The following ADGRE1 variants were observed in gnomAD, a reference collection of about 807,000 sequenced individuals.
ADGRE1 encodes EGF-like module receptor 1.
ADGRE1 carries 82 observed loss-of-function variants against 102.7 expected under a neutral mutation model. That is an observed-to-expected ratio of 0.80 (90% CI 0.67 to 0.96). The LOEUF (loss-of-function observed/expected upper bound fraction) is 0.96. Among genes scored for constraint, ADGRE1 ranks in the 40% least tolerant of loss-of-function variants. The pLI, the probability that ADGRE1 is intolerant of heterozygous loss-of-function variation, is 0.00. For synonymous variants in ADGRE1, 398 were observed against 399.6 expected, an observed-to-expected ratio of 1.00 and a Z score of 0.05; for missense variants, 1,032 against 1,085.3, an observed-to-expected ratio of 0.95 and a Z score of 0.69.
chr19:6,905,940 C>T lies in ADGRE1; in HGVS notation c.950-493C>T, dbSNP rs188529628. On this transcript the variant is annotated intron_variant, in intron 8 of 20. Coordinates refer to ENST00000312053, the MANE Select transcript of ADGRE1 (RefSeq NM_001974.5). ...ACTTGGAATTTTGTGTTTATTATTT[C>T]CCTACTTAAAAAAATATTTTCCCAT... is the stretch of plus-strand genomic sequence containing the variant. 2.5e-3 allele frequency among the ~76,000 whole-genome samples: 381 copies of T among 152,172 alleles called. 1 individual carries two copies. The highest frequency in any genetic ancestry group is 8.9e-3 in the African/African-American group (371 of 41,532).
In ADGRE1 at chr19:6,934,442, GAC is replaced by G. The variant is rs1379449712; in HGVS notation, c.2290-541_2290-540del. Among the ~76,000 whole-genome samples, 17 of 119,592 alleles carry G rather than the reference GAC, an allele frequency of 1.4e-4. No individual in the cohort carries two copies. In the East Asian group the frequency reaches 2.6e-3, roughly 18 times the overall value. The allele number at this position is 119,592 out of a possible 152,430, so 78.5% of individuals were successfully genotyped here. On this transcript the variant is annotated intron_variant, in intron 17 of 20. Coordinates refer to ENST00000312053, the MANE Select transcript of ADGRE1 (RefSeq NM_001974.5). ...TTCTTTTTTTTTTTTTTTTTTTTGA[GAC>G]ACAGTCTTGCTCTGTTGCCAGGCTG...
chr19:6,922,061 G>A (rs954110807), intron 14 of ADGRE1, among the ~76,000 whole-genome samples, 178 bp downstream of exon 14: 2 of 152,122 alleles, frequency 1.3e-5, no homozygotes, highest in Admixed American at 6.6e-5. Flanking sequence ...AGTCTGGTTG[G>A]GAGGCCATGA....
chr19:6,892,443 T>TA (rs1326482339), intron 2 of ADGRE1, among the ~76,000 whole-genome samples: 2 of 152,156 alleles, frequency 1.3e-5, no homozygotes, highest in Non-Finnish European at 2.9e-5. Context: ...AGTGTTGCTT[T>TA]AAAAAAATCC....
At chr19:6,911,133 A>T (rs908650918) in intron 10 of ADGRE1, among the ~76,000 whole-genome samples, 4 of 152,012 alleles carry the variant, frequency 2.6e-5, no homozygotes, top group Non-Finnish European at 5.9e-5. Context: ...GTCAGTGGGG[A>T]GGGGAGTCCC....
At chr19:6,899,909 G>A (rs1350797943) in intron 5 of ADGRE1, among the ~76,000 whole-genome samples, 1 of 151,654 alleles carries the variant, frequency 6.6e-6, no homozygotes, top group East Asian at 1.9e-4. Context: ...TGGCTAACAA[G>A]GTGAAACCCC....
At chr19:6,897,571 A>T (rs1429021181) in intron 5 of ADGRE1, 24 bp downstream of exon 5, 2 of 1,503,126 alleles carry the variant, frequency 1.3e-6, no homozygotes, top group Non-Finnish European at 1.8e-6. Context: ...TCTCTTTATT[A>T]TTTACCTACT....
intron 12 of ADGRE1, among the ~76,000 whole-genome samples, chr19:6,918,273 C>T (rs990298412): frequency 2.6e-5 from 4 of 151,978 alleles, no homozygotes; most frequent in African/African-American, 9.7e-5. Context: ...AACCCCGTCT[C>T]CACTAAAAAT....
At chr19:6,928,876 T>G (rs1236151082) in intron 17 of ADGRE1, among the ~76,000 whole-genome samples, 3 of 151,836 alleles carry the variant, frequency 2.0e-5, no homozygotes, top group African/African-American at 7.3e-5. Flanking sequence ...GAGGCAGAGG[T>G]TGCGGTGAGC....
At chr19:6,895,516 T>C (rs1973517703) in intron 2 of ADGRE1, 2 of 152,192 alleles carry the variant, frequency 1.3e-5, no homozygotes, top group African/African-American at 4.8e-5. Flanking sequence ...ATGTTCATGG[T>C]GTGATCCATG....
chr19:6,934,996 C>T lies in ADGRE1; in HGVS notation c.2299C>T (p.Leu767Phe), dbSNP rs758522599. 7 of 1,584,956 alleles carry T rather than the reference C, an allele frequency of 4.4e-6. No homozygotes were observed. The Admixed American group carries it at 8.8e-5, about 20-fold the overall frequency. Residue 767 changes from leucine to phenylalanine, a missense_variant, in exon 18 of 21, where the codon CTT becomes TTT. Leu to Phe is a conservative substitution (Grantham distance 22, BLOSUM62 0). Transcript: ENST00000312053. ...PVCTVIVINS[L>F]LLTWTLWILR... ...CTGCTTGACTTTGCAGATCAACTCC[C>T]TTCTCCTGACCTGGACCTTGTGGAT...
chr19:6,897,635 A>C, intron 5 of ADGRE1, 88 bp downstream of exon 5: 1 of 1,364,712 alleles, frequency 7.3e-7, no homozygotes, highest in South Asian at 2.1e-5. Flanking sequence ...GGATTTTCTC[A>C]TGTAGGGATA....
Position 6,926,394 on chromosome 19 carries a change from T to G in ADGRE1, c.2015T>G (p.Leu672Arg). 1 of 1,614,214 alleles carries G rather than the reference T, an allele frequency of 6.2e-7. No individual in the cohort carries two copies. Among genetic ancestry groups the G allele is most frequent in the South Asian group, 1.1e-5 (1 of 91,082 alleles). ...KMGCAIIAGF[L>R]HYLFLACFFW... ...GGCTGCGCCATCATCGCGGGCTTCC[T>G]GCACTACCTTTTCCTTGCCTGCTTC... Residue 672 changes from leucine to arginine, a missense_variant, in exon 16 of 21, where the codon CTG becomes CGG. Coordinates refer to ENST00000312053, the MANE Select transcript of ADGRE1 (RefSeq NM_001974.5).
intron 12 of ADGRE1, among the ~76,000 whole-genome samples, chr19:6,919,336 T>G (rs1424280533): frequency 6.8e-6 from 1 of 147,188 alleles, no homozygotes; most frequent in African/African-American, 2.5e-5. Context: ...GGCCAGAGGT[T>G]TTTTTTTTTT....
intron 10 of ADGRE1, among the ~76,000 whole-genome samples, chr19:6,911,484 T>C (rs1274846889): frequency 6.6e-6 from 1 of 150,614 alleles, no homozygotes; most frequent in Non-Finnish European, 1.5e-5. Flanking sequence ...ATATTACTAT[T>C]ACTATTGTTG....
chr19:6,904,071 G>T lies in ADGRE1; in HGVS notation c.838G>T (p.Gly280Cys), dbSNP rs762944957. 1 of 1,614,152 alleles carries T rather than the reference G, an allele frequency of 6.2e-7. No individual in the cohort carries two copies. The highest frequency in any genetic ancestry group is 8.5e-7 in the Non-Finnish European group (1 of 1,180,034). The change falls in exon 8 of 21, where the codon GGT (glycine) becomes TGT (cysteine). Residue 280 changes from glycine to cysteine, a missense_variant. Gly to Cys is a radical substitution (Grantham distance 159, BLOSUM62 -3). Coordinates refer to ENST00000312053, the MANE Select transcript of ADGRE1 (RefSeq NM_001974.5). ...GTGCCGCCAAGATCCATCAACCTGTGGTCCTAATTCTATCTGCACCAATGC... is the reference window on the plus strand; with the variant it reads ...GTGCCGCCAAGATCCATCAACCTGTTGTCCTAATTCTATCTGCACCAATGC... ...DECRQDPSTC[G>C]PNSICTNALG...
chr19:6,919,356 A>G (rs1974531356), intron 12 of ADGRE1, among the ~76,000 whole-genome samples, 192 bp from the exon 13 acceptor site: 1 of 146,482 alleles, frequency 6.8e-6, no homozygotes, highest in Non-Finnish European at 1.5e-5. Context: ...TAATGGTTCT[A>G]GAAGCCCGCT....
At chr19:6,889,170 T>A (rs1325719699) in intron 1 of ADGRE1, among the ~76,000 whole-genome samples, 1 of 151,464 alleles carries the variant, frequency 6.6e-6, no homozygotes, top group Non-Finnish European at 1.5e-5. Context: ...GATGGTGTGA[T>A]AATGACGATG....
chr19:6,892,887 A>G (rs1973430083), intron 2 of ADGRE1, among the ~76,000 whole-genome samples: 1 of 152,200 alleles, frequency 6.6e-6, no homozygotes. Context: ...CCTGACTCAT[A>G]GGTAGTTGCC....
At position 6,906,401 on chromosome 19, in the gene ADGRE1, G is replaced by A. The variant is rs756853323; in HGVS notation, c.950-32G>A. 3.2e-6 allele frequency: 5 copies of A among 1,578,598 alleles called. No homozygotes were observed. The South Asian group carries it at 5.7e-5, about 18-fold the overall frequency. On this transcript the variant is annotated intron_variant, in intron 8 of 20. Transcript: ENST00000312053. The stretch of plus-strand genomic sequence containing the variant: ...TTCATCTTATTTTGCTGAGGTTGAA[G>A]TTTGGTTTGGTTGCTGTTGTTTTCT...
Sources: allele counts gnomAD v4.1 joint callset (sites outside exome capture counted in the v4.1 genomes callset), GRCh38; gene constraint gnomAD v4.1.1; transcripts MANE v1.5; gene names NCBI Gene and HGNC (gene_info 2026-07-23, HGNC 2026-07-21).